The following SLC25A23 variants were observed in gnomAD, a reference collection of about 807,000 sequenced individuals.
The protein encoded by SLC25A23 is mitochondrial adenyl nucleotide antiporter SLC25A23.
SLC25A23 carries 32 observed loss-of-function variants against 53.9 expected under a neutral mutation model. The observed-to-expected ratio is 0.59, with a 90% confidence interval of 0.45 to 0.80. The LOEUF (loss-of-function observed/expected upper bound fraction) is 0.80. Among genes scored for constraint, SLC25A23 ranks in the 30% least tolerant of loss-of-function variants. SLC25A23 has a pLI of 0.00. For synonymous variants in SLC25A23, 275 were observed against 264.5 expected (o/e 1.04, Z -0.38); for missense variants, 575 against 651.4 (o/e 0.88, Z 1.28).
At chr19:6,438,647 G>C, downstream of SLC25A23, 1 of 160,298 alleles carries the variant, frequency 6.2e-6, no homozygotes, top group South Asian at 1.4e-4. Context: ...TCAGGAGTTC[G>C]AGACCAGCCT....
intron 8 of SLC25A23, among the ~76,000 whole-genome samples, chr19:6,450,640 G>A (rs2092574705): frequency 6.6e-6 from 1 of 152,208 alleles, no homozygotes; most frequent in Non-Finnish European, 1.5e-5. Context: ...GAATGAGTGA[G>A]CAACGGTCTT....
At chr19:6,443,751 G>T in intron 9 of SLC25A23, 2 of 622,544 alleles carry the variant, frequency 3.2e-6, no homozygotes, top group South Asian at 1.8e-5. Flanking sequence ...TGGAGGGGAC[G>T]GGGGGAAATA....
At chr19:6,443,537 C>T (rs1374459825) in intron 9 of SLC25A23, 3 of 699,702 alleles carry the variant, frequency 4.3e-6, no homozygotes. Context: ...CTCCTTCTCC[C>T]CTTTATACAA....
At chr19:6,456,135 A>C (rs111282539) in intron 4 of SLC25A23, 87,723 of 1,422,830 alleles carry the variant, frequency 0.062, 3,018 homozygotes, top group Middle Eastern at 0.1. Context: ...CCATCTGGTG[A>C]GCTCTTTCTT....
chr19:6,449,858 T>C (rs970503488), intron 8 of SLC25A23, among the ~76,000 whole-genome samples: 2 of 35,752 alleles, frequency 5.6e-5, no homozygotes, highest in African/African-American at 2.1e-4. Context: ...CTCACAACTC[T>C]TTTTTTTTTT....
intron 8 of SLC25A23, among the ~76,000 whole-genome samples, chr19:6,446,766 A>T (rs542436876): frequency 6.6e-6 from 1 of 151,930 alleles, no homozygotes; most frequent in South Asian, 2.1e-4. Flanking sequence ...TTTGGGGGGG[A>T]ACATGTTGAT....
At chr19:6,437,832 G>T (rs1036513562), downstream of SLC25A23, among the ~76,000 whole-genome samples, 1 of 148,194 alleles carries the variant, frequency 6.7e-6, no homozygotes, top group Non-Finnish European at 1.5e-5. Flanking sequence ...GGCCGGGCGC[G>T]GTGGCTCATG....
In SLC25A23 at chr19:6,455,297, G is replaced by A. The variant is rs947213654; in HGVS notation, c.484-580C>T. ...TAACAGCAAAAAAAGATCCCTCAGGGCAAATGAGATTCTACTGAAGGATCC... is the reference window on the plus strand; with the variant it reads ...TAACAGCAAAAAAAGATCCCTCAGGACAAATGAGATTCTACTGAAGGATCC... On this transcript the variant is annotated intron_variant, in intron 4 of 9. Transcript: ENST00000301454. Among the ~76,000 whole-genome samples the A allele has an allele frequency of 6.6e-5, 10 of 152,166 alleles. No individual in the cohort carries two copies. In the East Asian group the frequency reaches 1.9e-3, roughly 29 times the overall value.
At chr19:6,437,388 C>A (rs946042754), downstream of SLC25A23, among the ~76,000 whole-genome samples, 9 of 152,126 alleles carry the variant, frequency 5.9e-5, no homozygotes, top group African/African-American at 2.2e-4. Flanking sequence ...TGTGTTCAAG[C>A]CCTAACCCCA....
chr19:6,441,875 G>T lies in SLC25A23; in HGVS notation c.*100C>A. On this transcript the variant is annotated 3_prime_UTR_variant, in exon 10 of 10. Transcript: ENST00000301454. The stretch of plus-strand genomic sequence containing the variant: ...CTAGGATCCAGGATCTGGGTACTGG[G>T]ATCTCGTGGCCAAAGAGTAGGGATC... The T allele has an allele frequency of 8.8e-7, 1 of 1,135,056 alleles. No homozygotes were observed. The highest frequency in any genetic ancestry group is 1.3e-6 in the Non-Finnish European group (1 of 776,590). The allele number at this position is 1,135,056 out of a possible 1,614,324, so 70.3% of individuals were successfully genotyped here. A position where few individuals can be genotyped will look rare whatever the true frequency, so the allele number is the denominator to read the frequency against.
chr19:6,439,555 G>A (rs2092388330), downstream of SLC25A23, among the ~76,000 whole-genome samples: 2 of 152,106 alleles, frequency 1.3e-5, no homozygotes, highest in Non-Finnish European at 2.9e-5. Flanking sequence ...GAGGCCGGGC[G>A]TGGTGGCTCA....
chr19:6,441,782 G>C lies in SLC25A23; in HGVS notation c.*193C>G. ...GGGATCGCATGACCCAGTGGTTGGG[G>C]CATAGGAGTCTAGGATCCAGGATCT... On this transcript the variant is annotated 3_prime_UTR_variant, in exon 10 of 10. Coordinates refer to ENST00000301454, the MANE Select transcript of SLC25A23 (RefSeq NM_024103.3). 1.8e-6 allele frequency: 1 copy of C among 552,728 alleles called. No homozygotes were observed. The highest frequency in any genetic ancestry group is 3.1e-6 in the Non-Finnish European group (1 of 318,280). The allele number at this position is 552,728 out of a possible 1,614,324, so 34.2% of individuals were successfully genotyped here.
In SLC25A23 at chr19:6,458,336, A is replaced by G. The variant is rs767470491; in HGVS notation, c.157-12T>C. ...TCAGAGGAGATACCCTGACAGAGGG[A>G]AAGGGGATAGAGGTGGCTCCAGGAA... is the stretch of plus-strand genomic sequence containing the variant. On this transcript the variant is annotated splice_polypyrimidine_tract_variant and intron_variant, in intron 1 of 9. Coordinates refer to ENST00000301454, the MANE Select transcript of SLC25A23 (RefSeq NM_024103.3). 6.2e-7 allele frequency: 1 copy of G among 1,611,184 alleles called. No homozygotes were observed. Among genetic ancestry groups the G allele is most frequent in the Non-Finnish European group, 8.5e-7 (1 of 1,179,478 alleles).
chr19:6,457,649 AG>A (rs1233601737), intron 2 of SLC25A23, 59 bp from the exon 3 acceptor site: 2 of 1,450,290 alleles, frequency 1.4e-6, no homozygotes, highest in Non-Finnish European at 1.9e-6. Context: ...GGGGAACCCC[AG>A]GACCAAGGAT....
Position 6,454,326 on chromosome 19 carries a change from T to G in SLC25A23, c.792A>C (p.Glu264Asp), listed in dbSNP as rs535462610. Residue 264 changes from glutamate to aspartate, a missense_variant, in exon 6 of 10, where the codon GAA becomes GAC. By Grantham distance (45) the Glu-to-Asp change is conservative (BLOSUM62 2). Transcript: ENST00000301454. The surrounding 1 kb of genome is among the most constrained non-coding windows in gnomAD (Gnocchi z 4.3). ...TCCTCCCTGTACCTGCCCTCACCTGTTCATAGGCCATGAACTTGATAGCTG... is the reference window on the plus strand; with the variant it reads ...TCCTCCCTGTACCTGCCCTCACCTGGTCATAGGCCATGAACTTGATAGCTG... ...PESAIKFMAY[E>D]QIKRAILGQQ... 6.2e-7 allele frequency: 1 copy of G among 1,613,714 alleles called. No individual in the cohort carries two copies. The highest frequency in any genetic ancestry group is 1.1e-5 in the South Asian group (1 of 91,034).
At chr19:6,457,405 ATCC>A (rs2092696969) in intron 3 of SLC25A23, 95 bp downstream of exon 3, 7 of 1,097,666 alleles carry the variant, frequency 6.4e-6, no homozygotes, top group Non-Finnish European at 9.6e-6. Flanking sequence ...TCTCAGCTGT[ATCC>A]TCCTTGGGAC....
At chr19:6,437,235 T>C (rs1054113960), downstream of SLC25A23, among the ~76,000 whole-genome samples, 3 of 152,108 alleles carry the variant, frequency 2.0e-5, no homozygotes, top group East Asian at 3.9e-4. Flanking sequence ...CTCAAACTCC[T>C]GGCCTCAAGC....
rs2092433004 is a variant in SLC25A23 at position 6,442,226 on chromosome 19, C to T, written c.1223-67G>A. 6.0e-6 allele frequency: 7 copies of T among 1,174,410 alleles called. No individual in the cohort carries two copies. In the Middle Eastern group the frequency reaches 8.4e-4, roughly 140 times the overall value. 72.7% of individuals were successfully genotyped at this position (1,174,410 alleles called of 1,614,324 possible). On this transcript the variant is annotated intron_variant, in intron 9 of 9. Coordinates refer to ENST00000301454, the MANE Select transcript of SLC25A23 (RefSeq NM_024103.3). ...CCCTTTCACTTCCCCCTCCTACCCC[C>T]AGGGTTGGGCCAGGTGGTGTCATTG...
In SLC25A23 at chr19:6,441,259, T is replaced by C. The variant is rs1300292362; in HGVS notation, c.*716A>G. The C allele has an allele frequency of 6.6e-6, 1 of 152,414 alleles. No homozygotes were observed. Among genetic ancestry groups the C allele is most frequent in the African/African-American group, 2.4e-5 (1 of 41,360 alleles). 9.4% of individuals were successfully genotyped at this position (152,414 alleles called of 1,614,324 possible). ...GAATCCAGTGGGTGGAGTGAGGGGATCTGGGATCCAGTGATGGGGGCCCCA... is the reference window on the plus strand; with the variant it reads ...GAATCCAGTGGGTGGAGTGAGGGGACCTGGGATCCAGTGATGGGGGCCCCA... On this transcript the variant is annotated 3_prime_UTR_variant, in exon 10 of 10. Coordinates refer to ENST00000301454, the MANE Select transcript of SLC25A23 (RefSeq NM_024103.3).
Sources: allele counts gnomAD v4.1 joint callset (sites outside exome capture counted in the v4.1 genomes callset), GRCh38; gene constraint gnomAD v4.1.1; non-coding constraint Gnocchi (gnomAD v3.1); transcripts MANE v1.5; gene names NCBI Gene and HGNC (gene_info 2026-07-23, HGNC 2026-07-21).